The following CD9 variants were observed in gnomAD, a reference collection of about 807,000 sequenced individuals.
CD9 encodes CD9 molecule.
Under a neutral mutation model 31.4 loss-of-function variants are expected in CD9, and 10 were observed. The ratio of observed to expected loss-of-function variants is 0.32; its 90% confidence interval spans 0.20 to 0.54. The LOEUF (loss-of-function observed/expected upper bound fraction) is 0.54, where lower values mean the gene tolerates loss of function less well. Among genes scored for constraint, CD9 ranks in the 20% least tolerant of loss-of-function variants. The pLI is 0.94. For missense variants in CD9, 259 were observed against 300.1 expected (o/e 0.86, Z 1.01); for synonymous variants, 113 against 114.1 (o/e 0.99, Z 0.06).
intron 1 of CD9, among the ~76,000 whole-genome samples, chr12:6,207,429 A>G (rs1471884459): frequency 6.6e-6 from 1 of 152,202 alleles, no homozygotes; most frequent in Non-Finnish European, 1.5e-5. Context: ...CAGCTTAATC[A>G]TTGCCTAAGG....
Position 6,233,399 on chromosome 12 carries a change from C to T in CD9, c.274-13C>T, listed in dbSNP as rs755439450. 1.4e-5 allele frequency: 23 copies of T among 1,610,774 alleles called. No homozygotes were observed. Among genetic ancestry groups the T allele is most frequent in the South Asian group, 9.9e-5 (9 of 91,032 alleles). The stretch of plus-strand genomic sequence containing the variant: ...TGGGACTGTTCTCACCCCGTCCCCT[C>T]GTTGCCTTCCAGTTCTTCGGCTTCC... On this transcript the variant is annotated splice_polypyrimidine_tract_variant and intron_variant, in intron 3 of 7. Transcript: ENST00000009180.
chr12:6,215,070 C>T (rs372118181), intron 1 of CD9, among the ~76,000 whole-genome samples: 3 of 152,244 alleles, frequency 2.0e-5, no homozygotes, highest in East Asian at 3.9e-4. Context: ...ACCCCAGGTT[C>T]CCTCCCCGTG....
At chr12:6,204,304 A>G (rs1286018966) in intron 1 of CD9, among the ~76,000 whole-genome samples, 1 of 152,184 alleles carries the variant, frequency 6.6e-6, no homozygotes, top group Non-Finnish European at 1.5e-5. Flanking sequence ...GATGTATACT[A>G]TGTTGGTGAT....
chr12:6,204,995 T>C (rs1400912136), intron 1 of CD9, among the ~76,000 whole-genome samples: 2 of 152,344 alleles, frequency 1.3e-5, no homozygotes, highest in South Asian at 2.1e-4. Flanking sequence ...AAATTGCCTG[T>C]CAGAGAAACC....
intron 1 of CD9, among the ~76,000 whole-genome samples, chr12:6,215,965 A>G (rs192595966): frequency 1.3e-5 from 2 of 152,330 alleles, no homozygotes; most frequent in African/African-American, 2.4e-5. Flanking sequence ...AGTCCTGCCC[A>G]AGTGGCTTTG....
chr12:6,209,857 G>A (rs948915745), intron 1 of CD9, among the ~76,000 whole-genome samples: 2 of 151,894 alleles, frequency 1.3e-5, no homozygotes, highest in Admixed American at 1.3e-4. Flanking sequence ...GCTAATTTTT[G>A]TGTTTTTAGT....
chr12:6,223,881 T>C (rs1303190160), intron 1 of CD9, among the ~76,000 whole-genome samples: 1 of 152,230 alleles, frequency 6.6e-6, no homozygotes, highest in Non-Finnish European at 1.5e-5. Flanking sequence ...CCTCCCTCAC[T>C]GGCCTTTTAT....
chr12:6,206,361 T>A (rs191926882), intron 1 of CD9, among the ~76,000 whole-genome samples: 1 of 152,146 alleles, frequency 6.6e-6, no homozygotes, highest in East Asian at 1.9e-4. Flanking sequence ...TAACTGGGAC[T>A]ACAGGCATGT....
chr12:6,208,053 C>T (rs1294436544), intron 1 of CD9, among the ~76,000 whole-genome samples: 1 of 151,974 alleles, frequency 6.6e-6, no homozygotes, highest in Non-Finnish European at 1.5e-5. Flanking sequence ...GGAAAAACCC[C>T]CTCTCTACTA....
In CD9 at chr12:6,225,261, T is replaced by C. The variant is rs1946348373; in HGVS notation, c.67-165T>C. On this transcript the variant is annotated intron_variant, in intron 1 of 7. Coordinates refer to ENST00000009180, the MANE Select transcript of CD9 (RefSeq NM_001769.4). ...CTTGCTGGTATTTTTAGTACCTGCA[T>C]GAATCAAACACACCCCGTAATGGCA... 16 of 597,986 alleles carry C rather than the reference T, an allele frequency of 2.7e-5. No individual in the cohort carries two copies. In the East Asian group the frequency reaches 3.9e-4, roughly 14 times the overall value. 37.0% of individuals were successfully genotyped at this position (597,986 alleles called of 1,614,324 possible). A position where few individuals can be genotyped will look rare whatever the true frequency, so the allele number is the denominator to read the frequency against.
At chr12:6,225,208 C>T (rs3181290) in intron 1 of CD9, 11,387 of 555,970 alleles carry the variant, frequency 0.02, 170 homozygotes, top group Non-Finnish European at 0.026. Flanking sequence ...AGCCAATGGG[C>T]GGCAGGTAGG....
At chr12:6,220,167 C>T (rs556325869) in intron 1 of CD9, among the ~76,000 whole-genome samples, 1 of 152,232 alleles carries the variant, frequency 6.6e-6, no homozygotes, top group Admixed American at 6.5e-5. Flanking sequence ...TTGCATTTGC[C>T]ATTTGCATGG....
intron 1 of CD9, among the ~76,000 whole-genome samples, chr12:6,207,698 A>C (rs1430342097): frequency 6.6e-6 from 1 of 152,220 alleles, no homozygotes; most frequent in East Asian, 1.9e-4. Context: ...CTGCACTCCC[A>C]AGGAGTTGAG....
At chr12:6,220,081 AGT>A (rs1946278924) in intron 1 of CD9, among the ~76,000 whole-genome samples, 1 of 152,118 alleles carries the variant, frequency 6.6e-6, no homozygotes, top group South Asian at 2.1e-4. Context: ...AAGGGCAGAG[AGT>A]GTGGAGCATG....
chr12:6,204,594 G>T (rs1014549005), intron 1 of CD9, among the ~76,000 whole-genome samples: 1 of 152,118 alleles, frequency 6.6e-6, no homozygotes, highest in Non-Finnish European at 1.5e-5. Context: ...CTTAGTACTT[G>T]GCCTAGTGAT....
At chr12:6,236,158 G>T in intron 6 of CD9, 34 bp from the exon 7 acceptor site, 2 of 1,613,296 alleles carry the variant, frequency 1.2e-6, no homozygotes, top group Non-Finnish European at 1.7e-6. Context: ...AGGAAGGATT[G>T]TGTGTGACCC....
At chr12:6,224,617 C>A (rs185485679) in intron 1 of CD9, among the ~76,000 whole-genome samples, 19 of 152,288 alleles carry the variant, frequency 1.2e-4, no homozygotes, top group African/African-American at 4.3e-4. Flanking sequence ...ACCAGCAAAA[C>A]CTGGGCCCAC....
intron 1 of CD9, chr12:6,225,209 G>A (rs560837246): frequency 1.1e-5 from 6 of 554,778 alleles, no homozygotes; most frequent in Admixed American, 3.3e-5. Context: ...GCCAATGGGC[G>A]GCAGGTAGGT....
At chr12:6,229,224 C>T (rs1282457350) in intron 2 of CD9, among the ~76,000 whole-genome samples, 1 of 152,214 alleles carries the variant, frequency 6.6e-6, no homozygotes, top group Non-Finnish European at 1.5e-5. Flanking sequence ...TCTAGGGGGG[C>T]TCCAGCCAGA....
Sources: allele counts gnomAD v4.1 joint callset (sites outside exome capture counted in the v4.1 genomes callset), GRCh38; gene constraint gnomAD v4.1.1; transcripts MANE v1.5; gene names NCBI Gene and HGNC (gene_info 2026-07-23, HGNC 2026-07-21).